ENTREP2: variants seen among roughly 807,000 people sequenced by gnomAD.
ENTREP2 encodes the protein protein ENTREP2.
chr15:29,480,661 G>C, the ENTREP2 span, among the ~76,000 whole-genome samples: 14 of 152,298 alleles, frequency 9.2e-5, no homozygotes, highest in Non-Finnish European at 2.1e-4. Context: ...GTCTAGGAGG[G>C]GGAGCGGGGG....
the ENTREP2 span, among the ~76,000 whole-genome samples, chr15:29,155,948 G>T: frequency 6.6e-6 from 1 of 152,086 alleles, no homozygotes; most frequent in Non-Finnish European, 1.5e-5. Flanking sequence ...CTGCCTTAGG[G>T]ATCCTACTAT....
the ENTREP2 span, among the ~76,000 whole-genome samples, chr15:29,445,066 T>C: frequency 1.3e-5 from 2 of 152,336 alleles, no homozygotes; most frequent in African/African-American, 4.8e-5. Context: ...TGCTATGGTC[T>C]AAATGTTTGG....
At chr15:29,289,076 G>A in the ENTREP2 span, among the ~76,000 whole-genome samples, 1 of 151,914 alleles carries the variant, frequency 6.6e-6, no homozygotes, top group Non-Finnish European at 1.5e-5. Context: ...GTGTGGTGGT[G>A]TATGCCTGCA....
the ENTREP2 span, among the ~76,000 whole-genome samples, chr15:29,623,989 C>T: frequency 3.3e-5 from 5 of 152,296 alleles, no homozygotes; most frequent in East Asian, 7.7e-4. Flanking sequence ...CCACCTGCCT[C>T]GGCCTCCCAA....
the ENTREP2 span, among the ~76,000 whole-genome samples, chr15:29,663,707 C>G: frequency 6.6e-6 from 1 of 151,824 alleles, no homozygotes; most frequent in Non-Finnish European, 1.5e-5. Flanking sequence ...ACCCCGCGGC[C>G]TGTTGTGGGG....
the ENTREP2 span, chr15:29,233,910 G>A: frequency 1.9e-6 from 3 of 1,574,480 alleles, no homozygotes; most frequent in Non-Finnish European, 2.6e-6. Flanking sequence ...GTAGATGGCT[G>A]AAGAAACTGT....
the ENTREP2 span, among the ~76,000 whole-genome samples, chr15:29,325,943 T>C: frequency 6.6e-6 from 1 of 152,110 alleles, no homozygotes; most frequent in Admixed American, 6.5e-5. Flanking sequence ...TATTTGAAAA[T>C]CAGTCAATGC....
the ENTREP2 span, among the ~76,000 whole-genome samples, chr15:29,439,753 G>A: frequency 6.6e-6 from 1 of 152,180 alleles, no homozygotes; most frequent in Non-Finnish European, 1.5e-5. Flanking sequence ...TCTCCCCCAG[G>A]AGGCAAAGCT....
chr15:29,608,248 T>C, the ENTREP2 span, among the ~76,000 whole-genome samples: 1 of 152,126 alleles, frequency 6.6e-6, no homozygotes, highest in Non-Finnish European at 1.5e-5. Flanking sequence ...TCAGTACTAA[T>C]CATCACAAAG....
At chr15:29,189,831 T>C in the ENTREP2 span, among the ~76,000 whole-genome samples, 1 of 152,218 alleles carries the variant, frequency 6.6e-6, no homozygotes, top group African/African-American at 2.4e-5. Context: ...TACCTAAACA[T>C]CTTTTTATTG....
the ENTREP2 span, among the ~76,000 whole-genome samples, chr15:29,475,643 C>T: frequency 6.6e-6 from 1 of 152,050 alleles, no homozygotes; most frequent in African/African-American, 2.4e-5. Context: ...CCTGGATGTC[C>T]AAATGGAAAG....
At chr15:29,609,959 GT>G in the ENTREP2 span, 1 of 150,468 alleles carries the variant, frequency 6.6e-6, no homozygotes, top group African/African-American at 2.4e-5. Context: ...CTTAAATACT[GT>G]TAAGCACAAC....
At chr15:29,405,345 C>T in the ENTREP2 span, among the ~76,000 whole-genome samples, 2 of 150,964 alleles carry the variant, frequency 1.3e-5, no homozygotes, top group Admixed American at 6.6e-5. Flanking sequence ...GCCAAGATTG[C>T]ACCATTGCAC....
chr15:29,124,737 G>A, the ENTREP2 span: 3 of 1,550,652 alleles, frequency 1.9e-6, no homozygotes, highest in South Asian at 2.4e-5. Context: ...CTGGCTACAC[G>A]ACGGCCTGTG....
the ENTREP2 span, among the ~76,000 whole-genome samples, chr15:29,480,566 AG>A: frequency 6.6e-6 from 1 of 152,040 alleles, no homozygotes; most frequent in African/African-American, 2.4e-5. Flanking sequence ...ATGTGGTGGA[AG>A]GAAGGGAACA....
chr15:29,564,421 G>A, the ENTREP2 span, among the ~76,000 whole-genome samples: 18 of 152,116 alleles, frequency 1.2e-4, no homozygotes, highest in East Asian at 2.5e-3. Flanking sequence ...ATTTTCTCTC[G>A]CCATCTGTCT....
the ENTREP2 span, among the ~76,000 whole-genome samples, chr15:29,420,489 A>G: frequency 6.6e-6 from 1 of 152,294 alleles, no homozygotes; most frequent in African/African-American, 2.4e-5. Flanking sequence ...ACAAGGCTCT[A>G]TCTTACCAGA....
At chr15:29,132,525 C>T in the ENTREP2 span, among the ~76,000 whole-genome samples, 2 of 152,308 alleles carry the variant, frequency 1.3e-5, no homozygotes, top group East Asian at 3.9e-4. Flanking sequence ...TCCGAGCCAA[C>T]ACATGCTAAT....
the ENTREP2 span, among the ~76,000 whole-genome samples, chr15:29,125,462 G>C: frequency 2.0e-5 from 3 of 152,116 alleles, no homozygotes; most frequent in African/African-American, 2.4e-5. Context: ...TGCGGGCTCT[G>C]GTTCCTTTCA....
Sources: allele counts gnomAD v4.1 joint callset (sites outside exome capture counted in the v4.1 genomes callset), GRCh38; gene constraint gnomAD v4.1.1; transcripts MANE v1.5; gene names NCBI Gene and HGNC (gene_info 2026-07-23, HGNC 2026-07-21).